The following GNA14 variants were observed in gnomAD, a reference collection of about 807,000 sequenced individuals.
The protein encoded by GNA14 is guanine nucleotide-binding protein subunit alpha-14.
Under a neutral mutation model 42.0 loss-of-function variants are expected in GNA14, and 50 were observed. That is an observed-to-expected ratio of 1.19 (90% CI 0.95 to 1.51). The LOEUF (loss-of-function observed/expected upper bound fraction) is 1.51. GNA14 is among the 40% of genes most tolerant of loss of function. The pLI is 0.00. For synonymous variants in GNA14, 173 were observed against 163.1 expected, an observed-to-expected ratio of 1.06 and a Z score of -0.46; for missense variants, 473 against 446.2, an observed-to-expected ratio of 1.06 and a Z score of -0.54.
intron 2 of GNA14, among the ~76,000 whole-genome samples, chr9:77,448,931 C>A (rs1835865439): frequency 6.6e-6 from 1 of 152,140 alleles, no homozygotes; most frequent in Non-Finnish European, 1.5e-5. Flanking sequence ...CGGCAATTCC[C>A]AGAAATAATT....
intron 2 of GNA14, among the ~76,000 whole-genome samples, chr9:77,458,622 G>A (rs1031817931): frequency 1.8e-4 from 28 of 152,308 alleles, no homozygotes; most frequent in African/African-American, 6.3e-4. Context: ...CCACGTATTT[G>A]AAGAGAACTT....
At chr9:77,484,262 T>TA (rs1242684378) in intron 2 of GNA14, among the ~76,000 whole-genome samples, 1 of 152,206 alleles carries the variant, frequency 6.6e-6, no homozygotes, top group African/African-American at 2.4e-5. Context: ...ATGGAATTTA[T>TA]AAATACAGTT....
At chr9:77,496,802 T>C (rs1480250160) in intron 2 of GNA14, among the ~76,000 whole-genome samples, 2 of 152,198 alleles carry the variant, frequency 1.3e-5, no homozygotes, top group Non-Finnish European at 1.5e-5. Context: ...TTGGGATCAA[T>C]CAAATTTTAT....
At chr9:77,497,131 A>G (rs895810576) in intron 2 of GNA14, among the ~76,000 whole-genome samples, 1 of 152,026 alleles carries the variant, frequency 6.6e-6, no homozygotes, top group Non-Finnish European at 1.5e-5. Context: ...TCCTTTCCAT[A>G]CCTTAGAAGA....
chr9:77,471,281 T>G (rs1007351252), intron 2 of GNA14, among the ~76,000 whole-genome samples: 5 of 152,114 alleles, frequency 3.3e-5, no homozygotes, highest in Non-Finnish European at 5.9e-5. Context: ...CTACTGAGGT[T>G]GTATGGGCAG....
chr9:77,510,882 G>A (rs1429986778), intron 2 of GNA14, among the ~76,000 whole-genome samples: 1 of 152,108 alleles, frequency 6.6e-6, no homozygotes. Context: ...ACATTTATGA[G>A]TCTAAGATGA....
intron 2 of GNA14, among the ~76,000 whole-genome samples, chr9:77,443,905 C>T (rs1835775011): frequency 6.6e-6 from 1 of 152,182 alleles, no homozygotes; most frequent in Non-Finnish European, 1.5e-5. Flanking sequence ...TCATTTGAAC[C>T]CAGGTGTTGG....
At chr9:77,448,628 G>A (rs780938675) in intron 2 of GNA14, among the ~76,000 whole-genome samples, 2 of 151,996 alleles carry the variant, frequency 1.3e-5, no homozygotes, top group African/African-American at 2.4e-5. Context: ...CTGATAATTC[G>A]AATTAAATGC....
At chr9:77,602,259 T>C (rs992994151) in intron 1 of GNA14, among the ~76,000 whole-genome samples, 5 of 152,192 alleles carry the variant, frequency 3.3e-5, no homozygotes, top group African/African-American at 9.7e-5. Context: ...TAAAAAGACA[T>C]TGGAATCACT....
chr9:77,490,621 C>T (rs1007519900), intron 2 of GNA14, among the ~76,000 whole-genome samples: 7 of 152,230 alleles, frequency 4.6e-5, no homozygotes, highest in Admixed American at 4.6e-4. Context: ...CAGCCACTGG[C>T]CTGGGTGCTA....
intron 1 of GNA14, among the ~76,000 whole-genome samples, chr9:77,570,299 T>C (rs1823041106): frequency 6.6e-6 from 1 of 152,174 alleles, no homozygotes; most frequent in Non-Finnish European, 1.5e-5. Flanking sequence ...ATTTACTGAG[T>C]TGTGCAAGCA....
intron 3 of GNA14, among the ~76,000 whole-genome samples, chr9:77,432,126 T>C (rs1835566454): frequency 6.6e-6 from 1 of 151,870 alleles, no homozygotes; most frequent in African/African-American, 2.4e-5. Context: ...AAAAAAACTT[T>C]AAGGCCTTTC....
chr9:77,483,384 C>T lies in GNA14; in HGVS notation c.309+45685G>A, dbSNP rs1323095250. The stretch of plus-strand genomic sequence containing the variant: ...CCGAACAGCGGTGGCTGTAGAACAG[C>T]GGATATGGGTGACCTGCAAATGCTG... On this transcript the variant is annotated intron_variant, in intron 2 of 6. Coordinates refer to ENST00000341700, the MANE Select transcript of GNA14 (RefSeq NM_004297.4). Among the ~76,000 whole-genome samples, 8 of 152,262 alleles carry T rather than the reference C, an allele frequency of 5.3e-5. 1 individual carries two copies. Among genetic ancestry groups the T allele is most frequent in the Admixed American group, 2.6e-4 (4 of 15,296 alleles).
intron 2 of GNA14, among the ~76,000 whole-genome samples, chr9:77,439,641 A>T (rs1835697336): frequency 6.6e-6 from 1 of 152,180 alleles, no homozygotes; most frequent in Non-Finnish European, 1.5e-5. Flanking sequence ...TGTTTCAAAA[A>T]TAATAATAAT....
At chr9:77,565,086 C>T (rs1822945736) in intron 1 of GNA14, among the ~76,000 whole-genome samples, 1 of 152,180 alleles carries the variant, frequency 6.6e-6, no homozygotes, top group Non-Finnish European at 1.5e-5. Flanking sequence ...TGAGTGCTTT[C>T]CATGTTGTAG....
chr9:77,535,412 C>T (rs1400513991), intron 1 of GNA14, among the ~76,000 whole-genome samples: 2 of 152,036 alleles, frequency 1.3e-5, no homozygotes, highest in Non-Finnish European at 2.9e-5. Context: ...GGTGTGGTGG[C>T]GGGCGCCTGT....
chr9:77,629,519 G>T (rs1255879335), intron 1 of GNA14, among the ~76,000 whole-genome samples: 1 of 152,170 alleles, frequency 6.6e-6, no homozygotes, highest in Non-Finnish European at 1.5e-5. Context: ...AGAAAATGTG[G>T]TACATATACA....
At chr9:77,533,021 G>C (rs1219118687) in intron 1 of GNA14, among the ~76,000 whole-genome samples, 1 of 152,210 alleles carries the variant, frequency 6.6e-6, no homozygotes, top group Non-Finnish European at 1.5e-5. Flanking sequence ...AATCCAAAAA[G>C]TCACAGAGTA....
At chr9:77,514,905 G>A (rs771851475) in intron 2 of GNA14, among the ~76,000 whole-genome samples, 7 of 152,106 alleles carry the variant, frequency 4.6e-5, no homozygotes, top group Non-Finnish European at 7.4e-5. Flanking sequence ...GAGCCACTGC[G>A]CCCAGCCCAG....
Sources: allele counts gnomAD v4.1 joint callset (sites outside exome capture counted in the v4.1 genomes callset), GRCh38; gene constraint gnomAD v4.1.1; transcripts MANE v1.5; gene names NCBI Gene and HGNC (gene_info 2026-07-23, HGNC 2026-07-21).